The following VRK1 variants were observed in gnomAD, a reference collection of about 807,000 sequenced individuals.
VRK1 encodes VRK serine/threonine kinase 1, also known as serine/threonine-protein kinase VRK1.
In VRK1, 33 loss-of-function variants were observed where a neutral mutation model predicts 57.1. The observed-to-expected ratio is 0.58, with a 90% CI of 0.44 to 0.77. The LOEUF (loss-of-function observed/expected upper bound fraction) is 0.77, where lower values mean the gene tolerates loss of function less well. Among genes scored for constraint, VRK1 ranks in the 30% least tolerant of loss-of-function variants. The probability of loss-of-function intolerance (pLI) is 0.00; values close to 1 mark genes in which losing one functional copy is unlikely to be tolerated. For missense variants in VRK1, 413 were observed against 477.3 expected (o/e 0.87, Z 1.25); for synonymous variants, 137 against 147.8 (o/e 0.93, Z 0.53).
At chr14:96,816,897 G>A (rs1886415191) in intron 1 of VRK1, among the ~76,000 whole-genome samples, 1 of 152,160 alleles carries the variant, frequency 6.6e-6, no homozygotes, top group African/African-American at 2.4e-5. Context: ...GAGAAAACTG[G>A]ATAAATTTGA....
chr14:96,802,203 A>G (rs1595633282), intron 1 of VRK1, among the ~76,000 whole-genome samples: 1 of 152,190 alleles, frequency 6.6e-6, no homozygotes, highest in Admixed American at 6.5e-5. Context: ...TAGTTTGGCA[A>G]TTTCTCGAAA....
chr14:96,813,276 A>AAGAATCATATTCT (rs1369996265), intron 1 of VRK1, among the ~76,000 whole-genome samples: 1 of 152,194 alleles, frequency 6.6e-6, no homozygotes, highest in Admixed American at 6.5e-5. Context: ...TCTTTTGCAT[A>AAGAATCATATTCT]TAGGCAGAAT....
chr14:96,798,037 C>T (rs1012716397), intron 1 of VRK1, among the ~76,000 whole-genome samples: 1 of 152,128 alleles, frequency 6.6e-6, no homozygotes, highest in Non-Finnish European at 1.5e-5. Flanking sequence ...GGAGGCCGAC[C>T]CCTGAGGATA....
intron 11 of VRK1, among the ~76,000 whole-genome samples, chr14:96,864,411 A>G (rs1888503966): frequency 6.6e-6 from 1 of 152,098 alleles, no homozygotes; most frequent in African/African-American, 2.4e-5. Flanking sequence ...TGTTTCTTTC[A>G]TTTAATTGTA....
intron 5 of VRK1, among the ~76,000 whole-genome samples, chr14:96,852,251 C>A (rs1209809315): frequency 1.3e-5 from 2 of 152,144 alleles, no homozygotes; most frequent in Admixed American, 1.3e-4. Flanking sequence ...TTATGCAAAG[C>A]CAGTTATCTT....
intron 12 of VRK1, among the ~76,000 whole-genome samples, chr14:96,878,234 C>T (rs1446154896): frequency 6.6e-6 from 1 of 152,014 alleles, no homozygotes; most frequent in Non-Finnish European, 1.5e-5. Flanking sequence ...GCCAAGAGTT[C>T]ATGTAAATGT....
At chr14:96,867,106 A>T (rs1388980787) in intron 11 of VRK1, among the ~76,000 whole-genome samples, 1 of 151,980 alleles carries the variant, frequency 6.6e-6, no homozygotes, top group Non-Finnish European at 1.5e-5. Context: ...TATACTATGT[A>T]TTATTTTTTA....
chr14:96,826,096 G>A (rs1205248131), intron 1 of VRK1, among the ~76,000 whole-genome samples: 1 of 152,084 alleles, frequency 6.6e-6, no homozygotes, highest in Admixed American at 6.5e-5. Context: ...AATGCCAGTT[G>A]TCTAAATACA....
At position 96,806,660 on chromosome 14, in the gene VRK1, A is replaced by G. The variant is rs114883101; in HGVS notation, c.-6+9213A>G. Among the ~76,000 whole-genome samples, 902 of 152,330 alleles carry G rather than the reference A, an allele frequency of 5.9e-3. 11 individuals carry two copies. Among genetic ancestry groups the G allele is most frequent in the African/African-American group, 0.021 (864 of 41,590 alleles). ...GTTGAATTAACTGCAAACTGTATAC[A>G]TGAGTCATTTGGTGTAATGTCTGGC... On this transcript the variant is annotated intron_variant, in intron 1 of 12. Transcript: ENST00000216639.
intron 1 of VRK1, among the ~76,000 whole-genome samples, chr14:96,808,937 T>C (rs1886038270): frequency 6.6e-6 from 1 of 152,212 alleles, no homozygotes; most frequent in African/African-American, 2.4e-5. Flanking sequence ...GGGTCTAGAA[T>C]CATTTAGAGG....
chr14:96,799,528 A>G (rs1189527916), intron 1 of VRK1, among the ~76,000 whole-genome samples: 1 of 152,246 alleles, frequency 6.6e-6, no homozygotes, highest in African/African-American at 2.4e-5. Flanking sequence ...TTTTGATTTG[A>G]AAAATAAAAC....
chr14:96,836,349 C>T (rs185604335), intron 2 of VRK1, among the ~76,000 whole-genome samples: 8 of 152,056 alleles, frequency 5.3e-5, no homozygotes, highest in African/African-American at 1.9e-4. Context: ...CCAATGGCTC[C>T]CCATCTTATT....
At chr14:96,865,605 G>A (rs1205106765) in intron 11 of VRK1, among the ~76,000 whole-genome samples, 2 of 152,040 alleles carry the variant, frequency 1.3e-5, no homozygotes, top group African/African-American at 2.4e-5. Flanking sequence ...AGAGCAATTC[G>A]GAAAGAACTG....
chr14:96,805,651 C>T (rs77530135), intron 1 of VRK1, among the ~76,000 whole-genome samples: 12,695 of 152,076 alleles, frequency 0.083, 690 homozygotes, highest in Non-Finnish European at 0.13. Flanking sequence ...TGTATAGTGT[C>T]GAACTACTAG....
chr14:96,876,810 A>G (rs908138368), intron 12 of VRK1, among the ~76,000 whole-genome samples: 9 of 151,836 alleles, frequency 5.9e-5, no homozygotes, highest in Non-Finnish European at 1.0e-4. Flanking sequence ...AACAAAAAAA[A>G]CAAGGTATGA....
intron 1 of VRK1, among the ~76,000 whole-genome samples, chr14:96,801,447 G>A (rs1885658501): frequency 6.6e-6 from 1 of 152,198 alleles, no homozygotes; most frequent in South Asian, 2.1e-4. Context: ...GAGAGAAACT[G>A]TTAATGTTTC....
chr14:96,797,967 G>C (rs907159887), intron 1 of VRK1, among the ~76,000 whole-genome samples: 1 of 152,228 alleles, frequency 6.6e-6, no homozygotes, highest in African/African-American at 2.4e-5. Context: ...AGGCTCTTTA[G>C]GTTAGGTGAT....
intron 6 of VRK1, 53 bp downstream of exon 6, chr14:96,852,992 A>C: frequency 6.2e-7 from 1 of 1,606,110 alleles, no homozygotes; most frequent in Non-Finnish European, 8.5e-7. Flanking sequence ...AGTACAGTAA[A>C]GGCTAGTTTA....
intron 3 of VRK1, among the ~76,000 whole-genome samples, chr14:96,839,015 G>A (rs1887341019): frequency 6.7e-6 from 1 of 150,322 alleles, no homozygotes; most frequent in South Asian, 2.1e-4. Flanking sequence ...ATACTAAAAA[G>A]ATTCCTTATG....
Sources: gnomAD v4.1 joint callset for allele counts (sites outside exome capture counted in the v4.1 genomes callset) on GRCh38, gnomAD v4.1.1 for gene constraint, MANE v1.5 for transcripts, NCBI Gene and HGNC (gene_info 2026-07-23, HGNC 2026-07-21) for gene names.